FGGY: variants seen among roughly 807,000 people sequenced by gnomAD.
The protein encoded by FGGY is FGGY carbohydrate kinase domain containing, also known as FGGY carbohydrate kinase domain-containing protein.
Under a neutral mutation model 71.3 loss-of-function variants are expected in FGGY, and 72 were observed. The ratio of observed to expected loss-of-function variants is 1.01; its 90% CI spans 0.84 to 1.23. The LOEUF (loss-of-function observed/expected upper bound fraction) is 1.23. Among genes scored for constraint, FGGY ranks in the 50% most tolerant of loss-of-function variants. The pLI, the probability that FGGY is intolerant of heterozygous loss-of-function variation, is 0.00. For missense variants in FGGY, 668 were observed against 682.3 expected (o/e 0.98, Z 0.23); for synonymous variants, 251 against 250.3 (o/e 1.00, Z -0.02).
At chr1:59,539,982 A>C (rs138280179) in intron 7 of FGGY, among the ~76,000 whole-genome samples, 3 of 152,372 alleles carry the variant, frequency 2.0e-5, no homozygotes, top group African/African-American at 7.2e-5. Context: ...TGCAGAAAAG[A>C]GGATATACAA....
rs769585297 is a variant in FGGY at position 59,456,940 on chromosome 1, A to G, written c.555-21A>G. 3.2e-6 allele frequency: 5 copies of G among 1,567,368 alleles called. No homozygotes were observed. The South Asian group carries it at 4.4e-5, about 14-fold the overall frequency. On this transcript the variant is annotated intron_variant, in intron 5 of 15. Coordinates refer to ENST00000303721, the MANE Select transcript of FGGY (RefSeq NM_018291.5). The stretch of plus-strand genomic sequence containing the variant: ...CTCACTCATATGGTCAGTTCTATCT[A>G]TATCTCTTCTATTTTCTTAGGTCTC...
chr1:59,674,627 G>GT, intron 14 of FGGY, among the ~76,000 whole-genome samples: 1 of 152,192 alleles, frequency 6.6e-6, no homozygotes, highest in Non-Finnish European at 1.5e-5. Context: ...GAAACAATTT[G>GT]GTGGCTGTGA....
chr1:59,662,363 T>C (rs572948375), intron 12 of FGGY, among the ~76,000 whole-genome samples: 57 of 151,108 alleles, frequency 3.8e-4, no homozygotes, highest in Non-Finnish European at 5.5e-4. Flanking sequence ...TGCCAAGCAC[T>C]GTGCTAGATA....
At chr1:59,423,703 G>A (rs998230590) in intron 5 of FGGY, among the ~76,000 whole-genome samples, 7 of 152,102 alleles carry the variant, frequency 4.6e-5, no homozygotes, top group South Asian at 2.1e-4. Flanking sequence ...CTGTTTCTCC[G>A]CATGCTTCTC....
intron 11 of FGGY, among the ~76,000 whole-genome samples, chr1:59,656,397 C>T (rs2097218564): frequency 6.6e-6 from 1 of 152,202 alleles, no homozygotes; most frequent in Admixed American, 6.5e-5. Flanking sequence ...CTGTCACCAC[C>T]TCCCTTCGAA....
At chr1:59,479,320 G>A (rs910925587) in intron 6 of FGGY, among the ~76,000 whole-genome samples, 3 of 152,070 alleles carry the variant, frequency 2.0e-5, no homozygotes, top group Non-Finnish European at 4.4e-5. Context: ...GAAGACGGTT[G>A]GAAATAGGTA....
intron 6 of FGGY, among the ~76,000 whole-genome samples, chr1:59,471,188 T>G (rs2092923155): frequency 7.3e-6 from 1 of 136,618 alleles, no homozygotes; most frequent in African/African-American, 2.7e-5. Flanking sequence ...GTTCTCTTGA[T>G]AGTGAAGGAG....
At chr1:59,653,486 G>A (rs895980811) in intron 11 of FGGY, among the ~76,000 whole-genome samples, 2 of 152,184 alleles carry the variant, frequency 1.3e-5, no homozygotes, top group Non-Finnish European at 2.9e-5. Flanking sequence ...TCTGAAAAGC[G>A]CAATATTCGG....
intron 9 of FGGY, among the ~76,000 whole-genome samples, chr1:59,615,329 C>T (rs2096740127): frequency 6.6e-6 from 1 of 152,052 alleles, no homozygotes; most frequent in South Asian, 2.1e-4. Flanking sequence ...AGAACAGAGC[C>T]CTCAGAAATA....
intron 8 of FGGY, among the ~76,000 whole-genome samples, chr1:59,592,741 T>C (rs1285965720): frequency 8.0e-5 from 11 of 136,810 alleles, no homozygotes; most frequent in African/African-American, 1.4e-4. Flanking sequence ...ACAATGAGAA[T>C]ACATGGACAC....
intron 14 of FGGY, among the ~76,000 whole-genome samples, chr1:59,749,496 G>A (rs2101647864): frequency 6.6e-6 from 1 of 152,262 alleles, no homozygotes; most frequent in South Asian, 2.1e-4. Flanking sequence ...ATTGGTGAGT[G>A]TGAGGAAAAA....
intron 5 of FGGY, among the ~76,000 whole-genome samples, chr1:59,410,416 ACAC>A (rs1277211564): frequency 2.0e-5 from 3 of 152,144 alleles, no homozygotes; most frequent in African/African-American, 7.2e-5. Context: ...TGCCCACATC[ACAC>A]TACTAGTAAG....
chr1:59,368,667 G>T lies in FGGY; in HGVS notation c.466-10082G>T, dbSNP rs1241233666. ...GAGGCCTTTGGCTGGGATTGTATGG[G>T]CCAGAGAGGAGGAGGGACAGAGAGA... On this transcript the variant is annotated intron_variant, in intron 4 of 15. Coordinates refer to ENST00000303721, the MANE Select transcript of FGGY (RefSeq NM_018291.5). Among the ~76,000 whole-genome samples the T allele has an allele frequency of 3.3e-5, 5 of 152,360 alleles. No individual in the cohort carries two copies. The East Asian group carries it at 9.6e-4, about 29-fold the overall frequency.
chr1:59,321,769 T>A lies in FGGY; in HGVS notation c.201+19T>A. On this transcript the variant is annotated intron_variant, in intron 2 of 15. Transcript: ENST00000303721. ...CACAAAGGTATGGGCAAAACTGGTG[T>A]TCTCTCCTTGTTCATATTCCTACCT... The A allele has an allele frequency of 6.2e-7, 1 of 1,601,734 alleles. No individual in the cohort carries two copies.
At chr1:59,432,587 G>T (rs528779190) in intron 5 of FGGY, among the ~76,000 whole-genome samples, 1 of 152,212 alleles carries the variant, frequency 6.6e-6, no homozygotes, top group African/African-American at 2.4e-5. Context: ...ATTGTCATGA[G>T]TATGCAGAAA....
chr1:59,523,009 C>G (rs1325459325), intron 7 of FGGY, among the ~76,000 whole-genome samples: 1 of 152,192 alleles, frequency 6.6e-6, no homozygotes, highest in African/African-American at 2.4e-5. Context: ...TTCACTTATT[C>G]TCTCCTGTAT....
chr1:59,415,874 C>T (rs2064318389), intron 5 of FGGY, among the ~76,000 whole-genome samples: 1 of 152,198 alleles, frequency 6.6e-6, no homozygotes, highest in South Asian at 2.1e-4. Flanking sequence ...TGTGCTTTCT[C>T]CTTTCTGTTT....
At chr1:59,474,393 A>T (rs2093156840) in intron 6 of FGGY, among the ~76,000 whole-genome samples, 4 of 152,216 alleles carry the variant, frequency 2.6e-5, no homozygotes, top group African/African-American at 7.2e-5. Context: ...TAGACAAAAA[A>T]CTGAGACTCA....
intron 8 of FGGY, among the ~76,000 whole-genome samples, chr1:59,591,796 G>A (rs866815990): frequency 6.6e-6 from 1 of 152,150 alleles, no homozygotes; most frequent in African/African-American, 2.4e-5. Context: ...ATTCAAGATG[G>A]ATTAAAGACT....
Sources: allele counts gnomAD v4.1 joint callset (sites outside exome capture counted in the v4.1 genomes callset), GRCh38; gene constraint gnomAD v4.1.1; transcripts MANE v1.5; gene names NCBI Gene and HGNC (gene_info 2026-07-23, HGNC 2026-07-21).